TAFA2: variants seen among roughly 807,000 people sequenced by gnomAD.
TAFA2 encodes chemokine-like protein TAFA-2.
Under a neutral mutation model 18.8 loss-of-function variants are expected in TAFA2, and 7 were observed. That is an observed-to-expected ratio of 0.37 (90% CI 0.21 to 0.70). The LOEUF (loss-of-function observed/expected upper bound fraction) is 0.70. Ranked by LOEUF, TAFA2 falls within the 30% of genes least tolerant of loss-of-function variation. The pLI, the probability that TAFA2 is intolerant of heterozygous loss-of-function variation, is 0.53. For missense variants in TAFA2, 122 were observed against 158.1 expected (o/e 0.77, Z 1.23); for synonymous variants, 60 against 54.2 (o/e 1.11, Z -0.47).
chr12:61,899,103 T>C (rs1282925937), intron 1 of TAFA2, among the ~76,000 whole-genome samples: 1 of 152,204 alleles, frequency 6.6e-6, no homozygotes, highest in Admixed American at 6.5e-5. Context: ...CACCTTAGCC[T>C]GGACTTCATT....
intron 2 of TAFA2, among the ~76,000 whole-genome samples, chr12:61,797,928 T>C (rs2120955261): frequency 6.6e-6 from 1 of 152,340 alleles, no homozygotes; most frequent in South Asian, 2.1e-4. Context: ...ATACATTTTA[T>C]ATCATATACA....
chr12:61,860,514 G>A (rs1421171788), intron 2 of TAFA2, among the ~76,000 whole-genome samples: 1 of 152,196 alleles, frequency 6.6e-6, no homozygotes, highest in African/African-American at 2.4e-5. Context: ...AATTTAAACT[G>A]TAAGAAAATC....
intron 1 of TAFA2, among the ~76,000 whole-genome samples, chr12:62,158,497 C>T (rs2062386152): frequency 6.6e-6 from 1 of 152,144 alleles, no homozygotes; most frequent in Admixed American, 6.6e-5. Context: ...GCTATTTTTC[C>T]AGATGCTGTC....
At chr12:61,888,780 T>C (rs1008263856) in intron 1 of TAFA2, among the ~76,000 whole-genome samples, 8 of 152,226 alleles carry the variant, frequency 5.3e-5, no homozygotes, top group African/African-American at 1.9e-4. Context: ...CAGAGTGGAC[T>C]GACATGTGGT....
At position 61,817,596 on chromosome 12, in the gene TAFA2, T is replaced by C. The variant is rs1470026607; in HGVS notation, c.106+49724A>G. Among the ~76,000 whole-genome samples, 4 of 152,178 alleles carry C rather than the reference T, an allele frequency of 2.6e-5. No individual in the cohort carries two copies. In the East Asian group the frequency reaches 7.7e-4, roughly 29 times the overall value. ...CAAAGGTTATCTTAAAGTTAGTGTT[T>C]TAAAGAGGTTCTTTTTGTGTTAAGT... On this transcript the variant is annotated intron_variant, in intron 2 of 4. Coordinates refer to ENST00000416284, the MANE Select transcript of TAFA2 (RefSeq NM_178539.5).
chr12:61,873,538 G>A (rs1592451406), intron 1 of TAFA2, among the ~76,000 whole-genome samples: 1 of 151,954 alleles, frequency 6.6e-6, no homozygotes, highest in Admixed American at 6.6e-5. Flanking sequence ...TTCAAATGAG[G>A]TCAAAAAATA....
At chr12:61,761,095 C>T (rs1869527032) in intron 2 of TAFA2, among the ~76,000 whole-genome samples, 1 of 151,936 alleles carries the variant, frequency 6.6e-6, no homozygotes, top group Non-Finnish European at 1.5e-5. Flanking sequence ...TATGGTACCC[C>T]AGAAACACGG....
chr12:62,004,776 A>C (rs2103360), intron 1 of TAFA2, among the ~76,000 whole-genome samples: 81,055 of 151,858 alleles, frequency 0.53, 21,731 homozygotes, highest in Non-Finnish European at 0.55. Flanking sequence ...ATGAAAACAA[A>C]ATAAGTGTCT....
intron 1 of TAFA2, among the ~76,000 whole-genome samples, chr12:62,099,349 T>C (rs1019668345): frequency 6.6e-6 from 1 of 152,194 alleles, no homozygotes; most frequent in Non-Finnish European, 1.5e-5. Context: ...ATCAGTCTTC[T>C]TAACTGCAGT....
chr12:61,930,917 C>A (rs1877527810), intron 1 of TAFA2, among the ~76,000 whole-genome samples: 1 of 152,142 alleles, frequency 6.6e-6, no homozygotes, highest in Admixed American at 6.5e-5. Context: ...GGATCCATGG[C>A]AGAAGTAATT....
chr12:61,978,850 T>C (rs1879529005), intron 1 of TAFA2, among the ~76,000 whole-genome samples: 1 of 152,076 alleles, frequency 6.6e-6, no homozygotes, highest in Non-Finnish European at 1.5e-5. Context: ...GAGCAGTAGC[T>C]ATCATGGCCG....
At chr12:61,882,064 T>C (rs903200525) in intron 1 of TAFA2, among the ~76,000 whole-genome samples, 2 of 152,184 alleles carry the variant, frequency 1.3e-5, no homozygotes, top group Non-Finnish European at 2.9e-5. Flanking sequence ...ACTGTGCTTA[T>C]AAGAGTGCTT....
At chr12:62,151,954 A>G (rs1270822103) in intron 1 of TAFA2, among the ~76,000 whole-genome samples, 1 of 152,250 alleles carries the variant, frequency 6.6e-6, no homozygotes, top group Non-Finnish European at 1.5e-5. Context: ...TTATGGTTCT[A>G]GGGAGGAATA....
intron 2 of TAFA2, among the ~76,000 whole-genome samples, chr12:61,770,981 A>G (rs1869999370): frequency 6.6e-6 from 1 of 152,126 alleles, no homozygotes; most frequent in African/African-American, 2.4e-5. Flanking sequence ...CCAACCAAGT[A>G]TCTGCAGTCT....
chr12:61,851,774 CA>C (rs55651727), intron 2 of TAFA2, among the ~76,000 whole-genome samples: 1 of 14,502 alleles, frequency 6.9e-5, no homozygotes. Flanking sequence ...GACTCCATCT[CA>C]AAAAAAAAAA....
chr12:62,225,106 A>T (rs865990669), intron 1 of TAFA2, among the ~76,000 whole-genome samples: 39 of 148,312 alleles, frequency 2.6e-4, no homozygotes, highest in South Asian at 1.3e-3. Context: ...AAAAAAATTT[A>T]AAAAAAAAAG....
At chr12:61,986,908 C>T (rs945846576) in intron 1 of TAFA2, among the ~76,000 whole-genome samples, 16 of 152,088 alleles carry the variant, frequency 1.1e-4, no homozygotes, top group East Asian at 3.9e-4. Context: ...CGTCTATGTC[C>T]GAGGCTCACA....
At chr12:62,077,084 T>C (rs1013704812) in intron 1 of TAFA2, among the ~76,000 whole-genome samples, 1 of 152,214 alleles carries the variant, frequency 6.6e-6, no homozygotes, top group Non-Finnish European at 1.5e-5. Flanking sequence ...TATTTATGGA[T>C]CCATTAAGCA....
At chr12:62,210,401 A>G (rs1339764028) in intron 1 of TAFA2, among the ~76,000 whole-genome samples, 2 of 152,086 alleles carry the variant, frequency 1.3e-5, no homozygotes, top group Non-Finnish European at 2.9e-5. Context: ...TTCCTTTACA[A>G]ATTTTTTGCC....
Sources: gnomAD v4.1 joint callset for allele counts (sites outside exome capture counted in the v4.1 genomes callset) on GRCh38, gnomAD v4.1.1 for gene constraint, MANE v1.5 for transcripts, NCBI Gene and HGNC (gene_info 2026-07-23, HGNC 2026-07-21) for gene names.